The following ZNF804B variants were observed in gnomAD, a reference collection of about 807,000 sequenced individuals.
ZNF804B encodes the protein zinc finger protein 804B.
ZNF804B carries 80 observed loss-of-function variants against 101.4 expected under a neutral mutation model. The ratio of observed to expected loss-of-function variants is 0.79; its 90% CI spans 0.66 to 0.95. ZNF804B has a LOEUF of 0.95. Among genes scored for constraint, ZNF804B ranks in the 40% least tolerant of loss-of-function variants. The pLI is 0.00. For synonymous variants in ZNF804B, 622 were observed against 558.8 expected (o/e 1.11, Z -1.59); for missense variants, 1,673 against 1,561.9 (o/e 1.07, Z -1.20).
In ZNF804B at chr7:88,773,783, G is replaced by A. The variant is rs975428737; in HGVS notation, c.108+13699G>A. Among the ~76,000 whole-genome samples the A allele has an allele frequency of 1.3e-5, 2 of 151,872 alleles. 1 individual carries two copies. Among genetic ancestry groups the A allele is most frequent in the African/African-American group, 4.8e-5 (2 of 41,350 alleles). On this transcript the variant is annotated intron_variant, in intron 1 of 3. Transcript: ENST00000333190. ...AAAGTGGGAGCCTGCATGTCATATG[G>A]CCAGAACAGGGGCAAGAAAGGGGGG...
chr7:88,845,409 G>A (rs1791359472), intron 1 of ZNF804B, among the ~76,000 whole-genome samples: 1 of 151,994 alleles, frequency 6.6e-6, no homozygotes, highest in Non-Finnish European at 1.5e-5. Flanking sequence ...CACCTAGATG[G>A]CATTGCCACT....
At chr7:88,986,032 A>G (rs371616931) in intron 1 of ZNF804B, among the ~76,000 whole-genome samples, 2 of 152,246 alleles carry the variant, frequency 1.3e-5, no homozygotes, top group African/African-American at 4.8e-5. Flanking sequence ...ATTTCTCTGG[A>G]TGGATCCTCC....
rs1791030799 is a variant in ZNF804B at position 89,334,001 on chromosome 7, G to A, written c.1019G>A (p.Ser340Asn). Reference protein sequence around the residue: ...HLSDVDFTPTSREKETRNTLK... With the variant: ...HLSDVDFTPTNREKETRNTLK... ...TCAGATGTAGATTTTACTCCTACCA[G>A]CAGAGAAAAAGAAACTAGAAATACA... The change falls in exon 4 of 4, where the codon AGC becomes AAC. Residue 340 changes from serine (S) to asparagine (N), a missense_variant. Physicochemically the swap from Ser to Asn is conservative, Grantham distance 46 (BLOSUM62 1). Coordinates refer to ENST00000333190, the MANE Select transcript of ZNF804B (RefSeq NM_181646.5). 1.9e-6 allele frequency: 3 copies of A among 1,613,326 alleles called. No homozygotes were observed. The highest frequency in any genetic ancestry group is 2.2e-5 in the East Asian group (1 of 44,854).
intron 1 of ZNF804B, among the ~76,000 whole-genome samples, chr7:89,191,976 A>G (rs1027793488): frequency 2.0e-5 from 3 of 152,084 alleles, no homozygotes; most frequent in African/African-American, 2.4e-5. Flanking sequence ...GAAATAAGAA[A>G]TAATTATAAA....
At chr7:88,958,395 A>G (rs1319062856) in intron 1 of ZNF804B, among the ~76,000 whole-genome samples, 2 of 151,494 alleles carry the variant, frequency 1.3e-5, no homozygotes, top group Non-Finnish European at 3.0e-5. Context: ...TACATGTTTT[A>G]CTAAAAGACC....
chr7:89,184,502 C>A (rs990575121), intron 1 of ZNF804B, among the ~76,000 whole-genome samples: 2 of 152,126 alleles, frequency 1.3e-5, no homozygotes, highest in African/African-American at 4.8e-5. Context: ...TCAGTTCTTT[C>A]TCTTGTTAAG....
chr7:89,034,714 T>A (rs1449714058), intron 1 of ZNF804B, among the ~76,000 whole-genome samples: 1 of 152,206 alleles, frequency 6.6e-6, no homozygotes, highest in East Asian at 1.9e-4. Flanking sequence ...TATACATACA[T>A]GTGCATATAT....
chr7:88,989,470 A>G (rs1793811811), intron 1 of ZNF804B, among the ~76,000 whole-genome samples: 1 of 152,110 alleles, frequency 6.6e-6, no homozygotes, highest in African/African-American at 2.4e-5. Context: ...CCATTCTTCT[A>G]AAGCTAATCT....
chr7:89,035,886 T>C lies in ZNF804B; in HGVS notation c.109-182269T>C, dbSNP rs1406638271. On this transcript the variant is annotated intron_variant, in intron 1 of 3. Transcript: ENST00000333190. Reference sequence around the variant, plus strand: ...ATATATATTATATTATATATTCATATACATTATATTATTATATATTTATAT... The same window carrying C: ...ATATATATTATATTATATATTCATACACATTATATTATTATATATTTATAT... Among the ~76,000 whole-genome samples the C allele has an allele frequency of 8.2e-5, 12 of 145,794 alleles. No homozygotes were observed. The Admixed American group carries it at 8.5e-4, about 10-fold the overall frequency.
At chr7:88,985,074 T>C (rs1019612529) in intron 1 of ZNF804B, among the ~76,000 whole-genome samples, 2 of 152,086 alleles carry the variant, frequency 1.3e-5, no homozygotes, top group African/African-American at 4.8e-5. Context: ...GGTCTTATGA[T>C]AGTAAAATTT....
At chr7:89,254,809 C>T (rs2115796870) in intron 2 of ZNF804B, among the ~76,000 whole-genome samples, 1 of 152,082 alleles carries the variant, frequency 6.6e-6, no homozygotes, top group East Asian at 1.9e-4. Context: ...CCACACCCAA[C>T]TAATTTTTGT....
chr7:88,868,854 A>T (rs996888333), intron 1 of ZNF804B, among the ~76,000 whole-genome samples: 1 of 152,238 alleles, frequency 6.6e-6, no homozygotes, highest in African/African-American at 2.4e-5. Context: ...CTTAGGTGTC[A>T]GTTCCTCCTG....
chr7:89,313,405 A>T (rs1156793640), intron 2 of ZNF804B, among the ~76,000 whole-genome samples: 1 of 152,214 alleles, frequency 6.6e-6, no homozygotes, highest in Non-Finnish European at 1.5e-5. Flanking sequence ...GACATACTTC[A>T]GTGAATTCAC....
chr7:88,989,127 A>C (rs547494725), intron 1 of ZNF804B, among the ~76,000 whole-genome samples: 1 of 151,940 alleles, frequency 6.6e-6, no homozygotes, highest in East Asian at 1.9e-4. Context: ...GGTTCAAGGG[A>C]TTCTCCTGCC....
intron 1 of ZNF804B, among the ~76,000 whole-genome samples, chr7:88,770,044 A>C (rs1056961263): frequency 1.3e-5 from 2 of 152,202 alleles, no homozygotes; most frequent in Non-Finnish European, 2.9e-5. Context: ...ATCAGTTGTT[A>C]ATAGATAGTT....
At chr7:88,955,893 G>A (rs1793298451) in intron 1 of ZNF804B, among the ~76,000 whole-genome samples, 2 of 150,462 alleles carry the variant, frequency 1.3e-5, no homozygotes, top group South Asian at 4.2e-4. Context: ...GAAACTCAAA[G>A]GCAAAAAAAA....
At chr7:89,248,983 G>A (rs1262758558) in intron 2 of ZNF804B, among the ~76,000 whole-genome samples, 1 of 149,258 alleles carries the variant, frequency 6.7e-6, no homozygotes. Flanking sequence ...AAAAGGCAGG[G>A]TAGCTATTCT....
chr7:89,158,240 A>G (rs546107430), intron 1 of ZNF804B, among the ~76,000 whole-genome samples: 1 of 152,304 alleles, frequency 6.6e-6, no homozygotes, highest in East Asian at 1.9e-4. Flanking sequence ...TTCTTCAATG[A>G]AAAAGATTTG....
intron 1 of ZNF804B, among the ~76,000 whole-genome samples, chr7:89,193,924 C>T (rs1425928563): frequency 1.3e-5 from 2 of 152,156 alleles, no homozygotes; most frequent in African/African-American, 4.8e-5. Context: ...TTTACAGTCC[C>T]ACCAACAGTG....
Sources: gnomAD v4.1 joint callset for allele counts (sites outside exome capture counted in the v4.1 genomes callset) on GRCh38, gnomAD v4.1.1 for gene constraint, MANE v1.5 for transcripts, NCBI Gene and HGNC (gene_info 2026-07-23, HGNC 2026-07-21) for gene names.